KSR2: variants seen among roughly 807,000 people sequenced by gnomAD.
KSR2 encodes kinase suppressor of ras 2.
KSR2 carries 25 observed loss-of-function variants against 107.8 expected under a neutral mutation model. That is an observed-to-expected ratio of 0.23 (90% CI 0.17 to 0.32). The LOEUF (loss-of-function observed/expected upper bound fraction) is 0.32. KSR2 is among the 10% of genes least tolerant of loss of function. The pLI is 1.00. For missense variants in KSR2, 887 were observed against 1,268.9 expected (o/e 0.70, Z 4.57); for synonymous variants, 480 against 507.0 (o/e 0.95, Z 0.71).
rs142562686 is a variant in KSR2, at chr12:117,928,886, C to A, written c.180+39190G>T. On this transcript the variant is annotated intron_variant, in intron 1 of 19. Coordinates refer to ENST00000339824, the MANE Select transcript of KSR2 (RefSeq NM_173598.6). ...AGATTGGCTACGACATCATGCTTAG[C>A]AAAGGCAAGTGCCTGGTTTTGAACT... is the stretch of plus-strand genomic sequence containing the variant. Among the ~76,000 whole-genome samples, 1,097 of 140,482 alleles carry A rather than the reference C, an allele frequency of 7.8e-3. 11 individuals carry two copies. The highest frequency in any genetic ancestry group is 0.027 in the African/African-American group (1,051 of 38,666). The allele number at this position is 140,482 out of a possible 152,430, so 92.2% of individuals were successfully genotyped here.
intron 7 of KSR2, among the ~76,000 whole-genome samples, chr12:117,564,869 G>A (rs1276506904): frequency 3.3e-5 from 5 of 152,128 alleles, no homozygotes; most frequent in Non-Finnish European, 7.4e-5. Flanking sequence ...CTATCAAAAC[G>A]TTTTTGAAAG....
At chr12:117,531,614 A>T (rs1334466514) in intron 11 of KSR2, 52 bp downstream of exon 11, 2 of 1,533,488 alleles carry the variant, frequency 1.3e-6, no homozygotes, top group East Asian at 4.6e-5. Context: ...AACTCCTGCA[A>T]TGCAGCGGGG....
intron 1 of KSR2, among the ~76,000 whole-genome samples, chr12:117,952,154 A>AC (rs1896379944): frequency 1.9e-5 from 2 of 103,786 alleles, no homozygotes; most frequent in African/African-American, 4.0e-5. Flanking sequence ...AAATGTTCTC[A>AC]TCACACACAC....
chr12:117,772,637 C>T (rs575179128), intron 3 of KSR2, among the ~76,000 whole-genome samples: 1 of 150,980 alleles, frequency 6.6e-6, no homozygotes, highest in Non-Finnish European at 1.5e-5. Flanking sequence ...CAAAGACGCA[C>T]ACACACACAT....
chr12:117,615,459 G>A (rs1417727944), intron 5 of KSR2, among the ~76,000 whole-genome samples: 1 of 152,098 alleles, frequency 6.6e-6, no homozygotes, highest in Non-Finnish European at 1.5e-5. Flanking sequence ...GTAAGCTCAT[G>A]ACTATGACAC....
intron 3 of KSR2, among the ~76,000 whole-genome samples, chr12:117,833,657 T>C (rs1188025551): frequency 1.3e-5 from 2 of 152,128 alleles, no homozygotes; most frequent in African/African-American, 4.8e-5. Context: ...GTATGAGCCA[T>C]TGTGCCTGGC....
At chr12:117,650,219 C>T (rs957933187) in intron 5 of KSR2, among the ~76,000 whole-genome samples, 3 of 152,130 alleles carry the variant, frequency 2.0e-5, no homozygotes, top group Non-Finnish European at 4.4e-5. Context: ...GAGAGATGGG[C>T]CTAGCCTCCC....
intron 1 of KSR2, among the ~76,000 whole-genome samples, chr12:117,947,232 A>G (rs1896222311): frequency 8.3e-6 from 1 of 120,240 alleles, no homozygotes; most frequent in Non-Finnish European, 1.7e-5. Flanking sequence ...AAAGAAAGAA[A>G]GAAAGAAAGA....
At chr12:117,866,623 A>C (rs1420250738) in intron 1 of KSR2, among the ~76,000 whole-genome samples, 1 of 152,108 alleles carries the variant, frequency 6.6e-6, no homozygotes, top group East Asian at 1.9e-4. Flanking sequence ...TGAGGTCGGG[A>C]GTTTGAGACC....
intron 5 of KSR2, among the ~76,000 whole-genome samples, chr12:117,663,983 T>C (rs61211766): frequency 4.6e-5 from 7 of 152,328 alleles, no homozygotes; most frequent in African/African-American, 1.7e-4. Flanking sequence ...CTGCTCTCTA[T>C]TTCTCTGGGA....
chr12:117,780,284 C>T (rs114633112), intron 3 of KSR2, among the ~76,000 whole-genome samples: 2,200 of 152,182 alleles, frequency 0.014, 64 homozygotes, highest in African/African-American at 0.05. Flanking sequence ...GCATTATTCA[C>T]GATAGCCAAA....
At chr12:117,947,210 A>AAAGT (rs1896216555) in intron 1 of KSR2, among the ~76,000 whole-genome samples, 1 of 87,864 alleles carries the variant, frequency 1.1e-5, no homozygotes, top group Non-Finnish European at 2.2e-5. Flanking sequence ...GAAAGAAAAG[A>AAAGT]AAGAAAGAAA....
At chr12:117,532,938 G>C (rs1875765311) in intron 10 of KSR2, among the ~76,000 whole-genome samples, 1 of 152,180 alleles carries the variant, frequency 6.6e-6, no homozygotes, top group Admixed American at 6.5e-5. Context: ...TCAAATATTA[G>C]CACAGTAGCT....
intron 1 of KSR2, chr12:117,889,461 C>T (rs1894274942): frequency 1.3e-5 from 2 of 152,176 alleles, no homozygotes; most frequent in African/African-American, 4.8e-5. Context: ...GGAAAATTAA[C>T]ACAGGTCCCA....
chr12:117,682,750 A>G (rs1393794644), intron 4 of KSR2, among the ~76,000 whole-genome samples: 1 of 152,134 alleles, frequency 6.6e-6, no homozygotes, highest in African/African-American at 2.4e-5. Context: ...AATTAAAAAG[A>G]TCACTCTGCC....
chr12:117,493,492 C>T (rs2137160325), intron 14 of KSR2, among the ~76,000 whole-genome samples: 1 of 152,296 alleles, frequency 6.6e-6, no homozygotes, highest in Non-Finnish European at 1.5e-5. Context: ...TCTGCCATTT[C>T]CTTGGCCTGC....
chr12:117,968,579 G>T lies in KSR2; in HGVS notation c.-324C>A. The T allele has an allele frequency of 1.4e-6, 1 of 733,428 alleles. No homozygotes were observed. Among genetic ancestry groups the T allele is most frequent in the Non-Finnish European group, 1.8e-6 (1 of 563,738 alleles). The allele number at this position is 733,428 out of a possible 1,614,324, so 45.4% of individuals were successfully genotyped here. A position where few individuals can be genotyped will look rare whatever the true frequency, so the allele number is the denominator to read the frequency against. On this transcript the variant is annotated 5_prime_UTR_variant, in exon 1 of 20. Transcript: ENST00000339824. ...TGATGTGATGCTGTCTGTACACTTA[G>T]GGAGGAGGAGGAGGAGGAAAAAGAA...
intron 4 of KSR2, among the ~76,000 whole-genome samples, chr12:117,707,379 T>TA (rs1886569316): frequency 6.6e-6 from 1 of 152,230 alleles, no homozygotes; most frequent in Admixed American, 6.5e-5. Context: ...TTCTATACTT[T>TA]AAATGGATGA....
rs955744133 is a variant in KSR2 at position 117,835,025 on chromosome 12, G to A, written c.472+20403C>T. Among the ~76,000 whole-genome samples the A allele has an allele frequency of 5.3e-5, 8 of 152,192 alleles. No individual in the cohort carries two copies. In the East Asian group the frequency reaches 1.2e-3, roughly 22 times the overall value. On this transcript the variant is annotated intron_variant, in intron 3 of 19. Coordinates refer to ENST00000339824, the MANE Select transcript of KSR2 (RefSeq NM_173598.6). ...AGCTCACTGGCTGGGCATGAAAATC[G>A]AACCCGAGACACAGAGTCCAGGGAA...
Sources: gnomAD v4.1 joint callset for allele counts (sites outside exome capture counted in the v4.1 genomes callset) on GRCh38, gnomAD v4.1.1 for gene constraint, MANE v1.5 for transcripts, NCBI Gene and HGNC (gene_info 2026-07-23, HGNC 2026-07-21) for gene names.